The following TRIM64C variants were observed in gnomAD, a reference collection of about 807,000 sequenced individuals.
TRIM64C encodes tripartite motif-containing protein 64C.
TRIM64C carries 25 observed loss-of-function variants against 36.1 expected under a neutral mutation model. That is an observed-to-expected ratio of 0.69 (90% CI 0.51 to 0.97). The LOEUF (loss-of-function observed/expected upper bound fraction) is 0.97. Among genes scored for constraint, TRIM64C ranks in the 50% least tolerant of loss-of-function variants. TRIM64C has a pLI of 0.00. For synonymous variants in TRIM64C, 212 were observed against 185.7 expected (o/e 1.14, Z -1.15); for missense variants, 489 against 536.8 (o/e 0.91, Z 0.88).
intron 5 of TRIM64C, 39 bp downstream of exon 5, chr11:49,055,271 A>G: frequency 6.5e-7 from 1 of 1,534,556 alleles, no homozygotes; most frequent in Admixed American, 2.0e-5. Flanking sequence ...CCAATAAGGA[A>G]ATAATTTGAG....
chr11:49,057,482 T>C, intron 2 of TRIM64C, 104 bp from the exon 3 acceptor site: 2 of 1,197,394 alleles, frequency 1.7e-6, no homozygotes, highest in South Asian at 1.4e-5. Context: ...AACTTTCTGC[T>C]TCACTCTTGC....
rs1422595973 is a variant in TRIM64C, at chr11:49,058,159, CTTTAT to C, written c.421_425del (p.Ile141GlyfsTer21). 4.6e-6 allele frequency: 7 copies of C among 1,525,618 alleles called. No individual in the cohort carries two copies. The highest frequency in any genetic ancestry group is 6.1e-6 in the Non-Finnish European group (7 of 1,141,566). 94.5% of individuals were successfully genotyped at this position (1,525,618 alleles called of 1,614,324 possible). A position where few individuals can be genotyped will look rare whatever the true frequency, so the allele number is the denominator to read the frequency against. On this transcript the variant is annotated frameshift_variant, in exon 2 of 6. Transcript: ENST00000617704. LOFTEE classifies it high-confidence loss of function. ...TGATTTTCCATAAATAGTCCATTTC[CTTTAT>C]AAGTTTCTCTTGCAAAAGAAGCAAG...
chr11:49,056,198 G>A (rs1854811856), intron 4 of TRIM64C, among the ~76,000 whole-genome samples, 161 bp downstream of exon 4: 1 of 151,614 alleles, frequency 6.6e-6, no homozygotes, highest in Non-Finnish European at 1.5e-5. Context: ...TTTTAAGATG[G>A]AAACTTTCCA....
chr11:49,058,657 T>G lies in TRIM64C; in HGVS notation c.412+44A>C, dbSNP rs1414064934. 9 of 1,536,750 alleles carry G rather than the reference T, an allele frequency of 5.9e-6. No homozygotes were observed. The Admixed American group carries it at 1.6e-4, about 27-fold the overall frequency. On this transcript the variant is annotated intron_variant, in intron 1 of 5. Coordinates refer to ENST00000617704, the MANE Select transcript of TRIM64C (RefSeq NM_001206631.1). ...TCATTATCACAGGCCCTCATCATTC[T>G]TATTTGATATTCTGTATAATTCAAA...
intron 5 of TRIM64C, 124 bp downstream of exon 5, chr11:49,055,186 T>C: frequency 1.7e-6 from 2 of 1,183,258 alleles, no homozygotes. Context: ...AAGATGCACA[T>C]GTTTTGGAAA....
chr11:49,059,090 AC>A lies in TRIM64C; in HGVS notation c.22del (p.Val8SerfsTer12), dbSNP rs779676728. The A allele has an allele frequency of 4.0e-5, 62 of 1,550,130 alleles. No homozygotes were observed. The highest frequency in any genetic ancestry group is 1.4e-4 in the Admixed American group (7 of 50,762). On this transcript the variant is annotated frameshift_variant, in exon 1 of 6. Transcript: ENST00000617704. LOFTEE classifies it high-confidence loss of function. MDSDTLR[V>X]FQNELICCIC... ...GCAGCAAATGAGCTCATTCTGGAAG[AC>A]TCGCAGGGTGTCTGAATCCATGTTT...
chr11:49,058,555 A>C (rs1297753291), intron 1 of TRIM64C, 146 bp downstream of exon 1: 1 of 1,446,094 alleles, frequency 6.9e-7, no homozygotes, highest in Admixed American at 2.4e-5. Flanking sequence ...TTAGTCAGCA[A>C]CATTGAAAGG....
In TRIM64C at chr11:49,055,613, G is replaced by C. The variant is rs553262052; in HGVS notation, c.762-206C>G. ...CTTGCATAAAAACCCAATTTCTCCA[G>C]ATATGTTATTCTCAGACATTATACA... On this transcript the variant is annotated intron_variant, in intron 4 of 5. Coordinates refer to ENST00000617704, the MANE Select transcript of TRIM64C (RefSeq NM_001206631.1). Among the ~76,000 whole-genome samples, 10 of 152,216 alleles carry C rather than the reference G, an allele frequency of 6.6e-5. No individual in the cohort carries two copies. In the South Asian group the frequency reaches 2.1e-3, roughly 32 times the overall value.
rs556165335 is a variant in TRIM64C, at chr11:49,058,136, A to T, written c.449T>A (p.Ile150Asn). 4.3e-5 allele frequency: 66 copies of T among 1,530,090 alleles called. No homozygotes were observed. In the South Asian group the frequency reaches 6.6e-4, roughly 15 times the overall value. The allele number at this position is 1,530,090 out of a possible 1,614,324, so 94.8% of individuals were successfully genotyped here. ...LIKEMDYLWKINQETQNNLNQ... is the reference protein window; with the variant it reads ...LIKEMDYLWKNNQETQNNLNQ... ...TAGATTGTTTTGTGTCTCTTGATTG[A>T]TTTTCCATAAATAGTCCATTTCCTT... The change falls in exon 2 of 6, where the codon ATC becomes AAC. Residue 150 changes from isoleucine to asparagine, a missense_variant. By Grantham distance (149) the Ile-to-Asn change is moderately radical. Coordinates refer to ENST00000617704, the MANE Select transcript of TRIM64C (RefSeq NM_001206631.1).
Position 49,054,331 on chromosome 11 carries a change from GC to G in TRIM64C, c.860-125del. ...GAAAAAAGGAAACCAAGAGAGTTCA[GC>G]CCCATGCATCCATGAAGATGAAATG... On this transcript the variant is annotated intron_variant, in intron 5 of 5. Transcript: ENST00000617704. 6 of 1,050,270 alleles carry G rather than the reference GC, an allele frequency of 5.7e-6. No homozygotes were observed. The South Asian group carries it at 7.0e-5, about 12-fold the overall frequency. 65.1% of individuals were successfully genotyped at this position (1,050,270 alleles called of 1,614,324 possible). A position where few individuals can be genotyped will look rare whatever the true frequency, so the allele number is the denominator to read the frequency against.
In TRIM64C at chr11:49,058,704, C is replaced by T. The variant is rs1854844983; in HGVS notation, c.409G>A (p.Val137Ile). Reference protein sequence around the residue: ...PIGWAAEECRVQKLIKEMDYL... With the variant: ...PIGWAAEECRIQKLIKEMDYL... ...CAAACTGCCTTAGAGGCATCACGTA[C>T]CCTGCATTCCTCAGCAGCCCATCCT... The change falls in exon 1 of 6, where the codon GTA becomes ATA. Residue 137 changes from valine to isoleucine, a missense_variant. Transcript: ENST00000617704. The T allele has an allele frequency of 1.9e-6, 3 of 1,545,108 alleles. No homozygotes were observed. Among genetic ancestry groups the T allele is most frequent in the African/African-American group, 1.4e-5 (1 of 72,568 alleles).
intron 5 of TRIM64C, 148 bp downstream of exon 5, chr11:49,055,162 C>T: frequency 1.1e-6 from 1 of 929,266 alleles, no homozygotes; most frequent in South Asian, 1.7e-5. Flanking sequence ...TGTAATATTA[C>T]TATGCAGGTA....
At position 49,053,811 on chromosome 11, in the gene TRIM64C, C is replaced by T; in HGVS notation, c.1256G>A (p.Ser419Asn). Residue 419 changes from serine to asparagine, a missense_variant, in exon 6 of 6, where the codon AGT (serine) becomes AAT (asparagine). Coordinates refer to ENST00000617704, the MANE Select transcript of TRIM64C (RefSeq NM_001206631.1). ...AGAACCTTTAGAAACATCAAAAAAA[C>T]TCACAGATCCATTATCATAATCCAG... ...VFLDYDNGSV[S>N]FFDVSKGSLI... 1 of 1,551,664 alleles carries T rather than the reference C, an allele frequency of 6.4e-7. No individual in the cohort carries two copies. The highest frequency in any genetic ancestry group is 8.7e-7 in the Non-Finnish European group (1 of 1,146,852).
rs767081421 is a variant in TRIM64C at position 49,056,337 on chromosome 11, A to C, written c.761+22T>G. ...AGAGAACAAATTTTTCAGAAATAGC[A>C]TTTTTTTTAGTGTAAACTCACCTTG... On this transcript the variant is annotated intron_variant, in intron 4 of 5. Coordinates refer to ENST00000617704, the MANE Select transcript of TRIM64C (RefSeq NM_001206631.1). The C allele has an allele frequency of 5.2e-6, 8 of 1,527,672 alleles. No individual in the cohort carries two copies. In the South Asian group the frequency reaches 9.7e-5, roughly 19 times the overall value. 94.6% of individuals were successfully genotyped at this position (1,527,672 alleles called of 1,614,324 possible).
intron 2 of TRIM64C, 116 bp downstream of exon 2, chr11:49,057,962 C>T: frequency 5.7e-6 from 4 of 701,396 alleles, no homozygotes; most frequent in Non-Finnish European, 9.2e-6. Context: ...GAAATCACTA[C>T]ATTTTCTTGA....
rs578245950 is a variant in TRIM64C, at chr11:49,053,992, G to C, written c.1075C>G (p.Arg359Gly). 1.3e-6 allele frequency: 2 copies of C among 1,551,408 alleles called. No individual in the cohort carries two copies. Among genetic ancestry groups the C allele is most frequent in the Non-Finnish European group, 1.7e-6 (2 of 1,146,844 alleles). ...TTGGTATCTGCTGTCCTAGAATCTC[G>C]ACAGACTCCCAGAATCCAGTTGGAG... is the stretch of plus-strand genomic sequence containing the variant. ...HSSNWILGVC[R>G]DSRTADTNIV... Residue 359 changes from arginine to glycine, a missense_variant, in exon 6 of 6, where the codon CGA becomes GGA. Arg to Gly is a moderately radical substitution (Grantham distance 125). Transcript: ENST00000617704.
rs1198035910 is a variant in TRIM64C, at chr11:49,057,545, T to C, written c.508-167A>G. On this transcript the variant is annotated intron_variant, in intron 2 of 5. Transcript: ENST00000617704. ...TTCTGTCCATCTTTTTCAATGTTCCTATTCTCTCTCCCTTTTTAAATCAAA... is the reference window on the plus strand; with the variant it reads ...TTCTGTCCATCTTTTTCAATGTTCCCATTCTCTCTCCCTTTTTAAATCAAA... Among the ~76,000 whole-genome samples the C allele has an allele frequency of 3.9e-5, 6 of 151,960 alleles. 1 individual carries two copies. Among genetic ancestry groups the C allele is most frequent in the African/African-American group, 1.2e-4 (5 of 41,238 alleles).
chr11:49,057,698 C>T (rs1854829488), intron 2 of TRIM64C: 2 of 464,610 alleles, frequency 4.3e-6, no homozygotes, highest in Non-Finnish European at 7.8e-6. Flanking sequence ...TGTTAAAAAA[C>T]ATTTAGCCAT....
chr11:49,054,657 T>C (rs1217974872), intron 5 of TRIM64C, among the ~76,000 whole-genome samples: 2 of 152,180 alleles, frequency 1.3e-5, no homozygotes, highest in Non-Finnish European at 2.9e-5. Flanking sequence ...GTAAAGTTTA[T>C]AAGTTTCTGA....
Sources: gnomAD v4.1 joint callset for allele counts (sites outside exome capture counted in the v4.1 genomes callset) on GRCh38, gnomAD v4.1.1 for gene constraint, MANE v1.5 for transcripts, NCBI Gene and HGNC (gene_info 2026-07-23, HGNC 2026-07-21) for gene names.